Variants in ODAD2 observed in about 807,000 individuals in gnomAD.
ODAD2 encodes the protein outer dynein arm-docking complex subunit 2.
Under a neutral mutation model 106.8 loss-of-function variants are expected in ODAD2, and 89 were observed. That is an observed-to-expected ratio of 0.83 (90% confidence interval 0.70 to 0.99). The LOEUF (loss-of-function observed/expected upper bound fraction) is 0.99, where lower values mean the gene tolerates loss of function less well. ODAD2 is among the 50% of genes least tolerant of loss of function. The pLI is 0.00. For missense variants in ODAD2, 1,168 were observed against 1,238.5 expected (o/e 0.94, Z 0.85); for synonymous variants, 404 against 436.2 (o/e 0.93, Z 0.92).
intron 17 of ODAD2, among the ~76,000 whole-genome samples, chr10:27,884,188 A>G (rs896490982): frequency 3.3e-5 from 5 of 152,142 alleles, no homozygotes; most frequent in Admixed American, 1.3e-4. Context: ...GACTCAAACA[A>G]GGGAACCTCA....
Position 27,862,508 on chromosome 10 carries a change from CT to C in ODAD2, c.2724del (p.Ile908MetfsTer8). On this transcript the variant is annotated frameshift_variant, in exon 18 of 20. Transcript: ENST00000305242. LOFTEE classifies it high-confidence loss of function. ...LASVCAAITN[I>X]AKDQENLAVI... ...ACAGCTAAATTTTCTTGATCTTTTGCTATGTTGGTAATGGCAGCACATACAC... is the reference window on the plus strand; with the variant it reads ...ACAGCTAAATTTTCTTGATCTTTTGCATGTTGGTAATGGCAGCACATACAC... 3 of 1,612,676 alleles carry C rather than the reference CT, an allele frequency of 1.9e-6. No individual in the cohort carries two copies. The highest frequency in any genetic ancestry group is 2.5e-6 in the Non-Finnish European group (3 of 1,179,410).
In ODAD2 at chr10:27,819,753, C is replaced by T. The variant is rs141793692; in HGVS notation, c.3022-7128G>A. On this transcript the variant is annotated intron_variant, in intron 19 of 19. Transcript: ENST00000305242. ...TTGCTGTGACCTCAAAACCCATACC[C>T]TTGACTATGGTTTGATAGTGATTTT... Among the ~76,000 whole-genome samples the T allele has an allele frequency of 9.9e-5, 15 of 151,632 alleles. 1 individual carries two copies. In the East Asian group the frequency reaches 2.7e-3, roughly 28 times the overall value.
chr10:27,890,245 G>T (rs1466650574), intron 17 of ODAD2, among the ~76,000 whole-genome samples: 6 of 152,150 alleles, frequency 3.9e-5, no homozygotes, highest in African/African-American at 1.4e-4. Flanking sequence ...GCCATCTGGG[G>T]TCCCAGTCAG....
At chr10:27,844,572 C>T (rs1476929108) in intron 19 of ODAD2, among the ~76,000 whole-genome samples, 4 of 152,114 alleles carry the variant, frequency 2.6e-5, no homozygotes, top group African/African-American at 7.2e-5. Context: ...TTTCTTATGA[C>T]CTGGGTGATT....
In ODAD2 at chr10:27,862,591, C is replaced by A. The variant is rs1180783584; in HGVS notation, c.2642G>T (p.Gly881Val). Residue 881 changes from glycine (G) to valine (V), a missense_variant, in exon 18 of 20, where the codon GGT becomes GTT. Gly to Val is a moderately radical substitution (Grantham distance 109). Transcript: ENST00000305242. Reference sequence around the variant, plus strand: ...TAAATTGACAATAAGTTCCAAACCACCAACAAAGGAACGAACCATTTCCCC... The same window carrying A: ...TAAATTGACAATAAGTTCCAAACCAACAACAAAGGAACGAACCATTTCCCC... ...DAGEMVRSFV[G>V]GLELIVNLLK... 6.2e-7 allele frequency: 1 copy of A among 1,607,484 alleles called. No homozygotes were observed.
intron 11 of ODAD2, 115 bp from the exon 12 acceptor site, chr10:27,944,546 T>C (rs780945863): frequency 1.6e-4 from 145 of 934,994 alleles, no homozygotes; most frequent in Middle Eastern, 3.2e-4. Context: ...ATCATTTCCA[T>C]TCCCAGAGGT....
intron 10 of ODAD2, among the ~76,000 whole-genome samples, chr10:27,960,494 G>A (rs1848059104): frequency 6.6e-6 from 1 of 151,582 alleles, no homozygotes; most frequent in African/African-American, 2.4e-5. Context: ...TTACAGGCGT[G>A]TGCCACCACG....
In ODAD2 at chr10:27,876,008, G is replaced by A. The variant is rs533670454; in HGVS notation, c.2611-13386C>T. 3.3e-3 allele frequency among the ~76,000 whole-genome samples: 506 copies of A among 152,268 alleles called. 1 individual carries two copies. Among genetic ancestry groups the A allele is most frequent in the African/African-American group, 0.011 (452 of 41,544 alleles). ...CAGCGAGCCTGGGGGAGGGGCACCC[G>A]CCATTGCTGAGGCTTGAGTAGGTAA... On this transcript the variant is annotated intron_variant, in intron 17 of 19. Coordinates refer to ENST00000305242, the MANE Select transcript of ODAD2 (RefSeq NM_018076.5).
At chr10:27,900,221 A>G (rs956864662) in intron 17 of ODAD2, among the ~76,000 whole-genome samples, 10 of 152,178 alleles carry the variant, frequency 6.6e-5, no homozygotes, top group African/African-American at 2.4e-4. Context: ...TGCAGCAGAG[A>G]GTCCTGACTG....
rs11006768 is a variant in ODAD2 at position 27,902,069 on chromosome 10, T to C, written c.2610+5594A>G. Among the ~76,000 whole-genome samples, 519 of 152,166 alleles carry C rather than the reference T, an allele frequency of 3.4e-3. 4 individuals carry two copies. Among genetic ancestry groups the C allele is most frequent in the Middle Eastern group, 3.4e-3 (1 of 294 alleles). On this transcript the variant is annotated intron_variant, in intron 17 of 19. Transcript: ENST00000305242. The stretch of plus-strand genomic sequence containing the variant: ...ACAGAATTGGAAGTAAAACACTCCC[T>C]AGCAAATGCAAAAGAACAGAAATGA...
chr10:27,927,868 C>T (rs1845360904), intron 16 of ODAD2, among the ~76,000 whole-genome samples: 1 of 152,018 alleles, frequency 6.6e-6, no homozygotes, highest in South Asian at 2.1e-4. Flanking sequence ...TTTCTTTCTT[C>T]ACTCTGTTTC....
chr10:27,826,625 C>T (rs1837066092), intron 19 of ODAD2, among the ~76,000 whole-genome samples: 1 of 152,100 alleles, frequency 6.6e-6, no homozygotes, highest in Non-Finnish European at 1.5e-5. Context: ...TCCCATCTGT[C>T]ATGTGGAAGA....
rs145042199 is a variant in ODAD2 at position 27,907,681 on chromosome 10, T to C, written c.2592A>G (p.Pro864=). Residue 864 remains proline, a synonymous_variant, in exon 17 of 20, where the codon CCA becomes CCG. Transcript: ENST00000305242. ...TTCTTACCTTTGCATTTTTGATGCA[T>C]GGACAGAGTGCCCATGCTGCGCTGG... ...VKASAAWALC[P]CIKNAKDAGE... is the part of the protein sequence containing the mutation. 9.2e-5 allele frequency: 148 copies of C among 1,613,632 alleles called. No individual in the cohort carries two copies. In the African/African-American group the frequency reaches 1.6e-3, roughly 18 times the overall value.
intron 17 of ODAD2, among the ~76,000 whole-genome samples, chr10:27,879,746 T>G (rs1420066370): frequency 6.6e-6 from 1 of 152,204 alleles, no homozygotes; most frequent in East Asian, 1.9e-4. Context: ...TCTTCCCAAC[T>G]TGGTAGATAA....
chr10:27,981,829 C>G (rs1374598217), intron 6 of ODAD2: 1 of 299,666 alleles, frequency 3.3e-6, no homozygotes, highest in East Asian at 8.1e-5. Flanking sequence ...TACTGAGTAC[C>G]TCCTATATGC....
chr10:27,904,320 A>G (rs1843428055), intron 17 of ODAD2: 2 of 329,000 alleles, frequency 6.1e-6, no homozygotes, highest in Admixed American at 5.6e-5. Context: ...TGCGCGGGGA[A>G]CATGGCGTCA....
At chr10:27,959,215 AGG>A in intron 10 of ODAD2, among the ~76,000 whole-genome samples, 1 of 14,292 alleles carries the variant, frequency 7.0e-5, no homozygotes, top group South Asian at 4.4e-3. Flanking sequence ...AGGGGAGGGG[AGG>A]GGAGGGGAGG....
At chr10:27,977,189 A>T (rs1458848515) in intron 7 of ODAD2, among the ~76,000 whole-genome samples, 1 of 152,172 alleles carries the variant, frequency 6.6e-6, no homozygotes, top group African/African-American at 2.4e-5. Flanking sequence ...AAGCGTTATA[A>T]AACACTATAA....
At chr10:27,945,488 C>T (rs1332475565) in intron 10 of ODAD2, among the ~76,000 whole-genome samples, 1 of 152,132 alleles carries the variant, frequency 6.6e-6, no homozygotes, top group African/African-American at 2.4e-5. Flanking sequence ...CCAGCAGGAC[C>T]TGCAAATGAA....
Sources: gnomAD v4.1 joint callset for allele counts (sites outside exome capture counted in the v4.1 genomes callset) on GRCh38, gnomAD v4.1.1 for gene constraint, MANE v1.5 for transcripts, NCBI Gene and HGNC (gene_info 2026-07-23, HGNC 2026-07-21) for gene names.